CSMD3: variants seen among roughly 807,000 people sequenced by gnomAD.
CSMD3 encodes the protein CUB and Sushi multiple domains 3, also known as CUB and sushi domain-containing protein 3.
CSMD3 carries 177 observed loss-of-function variants against 435.2 expected under a neutral mutation model. That is an observed-to-expected ratio of 0.41 (90% confidence interval 0.36 to 0.46). The LOEUF (loss-of-function observed/expected upper bound fraction) is 0.46. Among genes scored for constraint, CSMD3 ranks in the 20% least tolerant of loss-of-function variants. The pLI is 0.34. For missense variants in CSMD3, 4,265 were observed against 4,504.6 expected (o/e 0.95, Z 1.52); for synonymous variants, 1,656 against 1,520.5 (o/e 1.09, Z -2.07).
chr8:112,954,143 C>A (rs1243805405), intron 8 of CSMD3, among the ~76,000 whole-genome samples: 1 of 151,310 alleles, frequency 6.6e-6, no homozygotes, highest in Non-Finnish European at 1.5e-5. Context: ...GTACTTCAGG[C>A]CATTTTTAAA....
intron 25 of CSMD3, among the ~76,000 whole-genome samples, chr8:112,555,736 T>C (rs1016990380): frequency 2.6e-5 from 4 of 151,986 alleles, no homozygotes; most frequent in African/African-American, 9.7e-5. Flanking sequence ...ATATTTTCTA[T>C]TTGTATTCTA....
chr8:113,336,413 C>CT (rs1213530887), intron 1 of CSMD3, among the ~76,000 whole-genome samples: 29 of 151,866 alleles, frequency 1.9e-4, no homozygotes, highest in Non-Finnish European at 3.4e-4. Flanking sequence ...TTTAAAATCT[C>CT]TGTCATCTAG....
At chr8:112,313,525 A>G (rs954585698) in intron 49 of CSMD3, among the ~76,000 whole-genome samples, 3 of 152,156 alleles carry the variant, frequency 2.0e-5, no homozygotes, top group Non-Finnish European at 4.4e-5. Context: ...AAAGAAAACA[A>G]ATCTATTTTT....
At chr8:112,493,690 C>T (rs1361582466) in intron 30 of CSMD3, among the ~76,000 whole-genome samples, 1 of 152,056 alleles carries the variant, frequency 6.6e-6, no homozygotes, top group Non-Finnish European at 1.5e-5. Context: ...AGATATTGAA[C>T]AAAGAGACTG....
chr8:113,379,501 T>C (rs2094405689), intron 1 of CSMD3, among the ~76,000 whole-genome samples: 2 of 152,142 alleles, frequency 1.3e-5, no homozygotes, highest in South Asian at 2.1e-4. Context: ...GACTAAGTGA[T>C]AGGTTGGATG....
chr8:112,910,802 A>G (rs2082390004), intron 10 of CSMD3, among the ~76,000 whole-genome samples: 1 of 151,778 alleles, frequency 6.6e-6, no homozygotes, highest in Admixed American at 6.6e-5. Flanking sequence ...TCACCTCATT[A>G]TTTCTCAATT....
At chr8:112,739,069 T>A (rs899851640) in intron 13 of CSMD3, among the ~76,000 whole-genome samples, 1 of 151,702 alleles carries the variant, frequency 6.6e-6, no homozygotes, top group Non-Finnish European at 1.5e-5. Context: ...ATTAGCTAGA[T>A]ATATCCAAGT....
rs1034085716 is a variant in CSMD3, at chr8:112,302,589, A to G, written c.8267-623T>C. On this transcript the variant is annotated intron_variant, in intron 52 of 70. Coordinates refer to ENST00000297405, the MANE Select transcript of CSMD3 (RefSeq NM_198123.2). ...GACTTCTTCATATTTGAAGACCACAAATGAACTGTCATTCTAGCATAAAAA... is the reference window on the plus strand; with the variant it reads ...GACTTCTTCATATTTGAAGACCACAGATGAACTGTCATTCTAGCATAAAAA... Among the ~76,000 whole-genome samples, 5 of 152,202 alleles carry G rather than the reference A, an allele frequency of 3.3e-5. No individual in the cohort carries two copies. In the East Asian group the frequency reaches 9.7e-4, roughly 29 times the overall value.
At chr8:112,315,418 A>T (rs1234292322) in intron 47 of CSMD3, among the ~76,000 whole-genome samples, 1 of 151,918 alleles carries the variant, frequency 6.6e-6, no homozygotes. Flanking sequence ...TGGATTTAGA[A>T]TGAAGAATAT....
intron 22 of CSMD3, among the ~76,000 whole-genome samples, chr8:112,610,842 G>A (rs775964451): frequency 1.3e-5 from 2 of 152,070 alleles, no homozygotes; most frequent in Non-Finnish European, 2.9e-5. Flanking sequence ...AGTATACTGA[G>A]CCTGCAATGA....
intron 3 of CSMD3, among the ~76,000 whole-genome samples, chr8:113,205,804 A>G (rs1214741570): frequency 2.0e-5 from 3 of 152,226 alleles, no homozygotes; most frequent in African/African-American, 7.2e-5. Context: ...ATACTAAAAC[A>G]TAAAACATAA....
At chr8:113,072,449 T>C (rs1451247081) in intron 5 of CSMD3, among the ~76,000 whole-genome samples, 1 of 151,752 alleles carries the variant, frequency 6.6e-6, no homozygotes, top group Non-Finnish European at 1.5e-5. Context: ...ATATATGGTC[T>C]TTATTTTGCT....
intron 16 of CSMD3, among the ~76,000 whole-genome samples, chr8:112,671,506 C>T (rs1310821659): frequency 6.6e-6 from 1 of 152,110 alleles, no homozygotes; most frequent in Non-Finnish European, 1.5e-5. Context: ...GCTTAAAAAC[C>T]TTCTCCCTCT....
At chr8:113,257,126 G>A (rs921978251) in intron 3 of CSMD3, among the ~76,000 whole-genome samples, 23 of 151,964 alleles carry the variant, frequency 1.5e-4, no homozygotes, top group Non-Finnish European at 2.9e-4. Context: ...AAAACAAAAC[G>A]GGCCGGGCGC....
chr8:113,213,730 T>G (rs1006309785), intron 3 of CSMD3, among the ~76,000 whole-genome samples: 1 of 152,022 alleles, frequency 6.6e-6, no homozygotes, highest in Non-Finnish European at 1.5e-5. Context: ...AAAAAACACA[T>G]TCAAAAGGAA....
At chr8:113,058,369 A>C (rs2088444501) in intron 5 of CSMD3, among the ~76,000 whole-genome samples, 1 of 151,980 alleles carries the variant, frequency 6.6e-6, no homozygotes, top group African/African-American at 2.4e-5. Context: ...ACTTTAGATA[A>C]AGTTTGAATA....
At chr8:113,142,225 A>T (rs1324160893) in intron 4 of CSMD3, among the ~76,000 whole-genome samples, 2 of 151,266 alleles carry the variant, frequency 1.3e-5, no homozygotes, top group African/African-American at 4.8e-5. Context: ...TGTGATATCT[A>T]TAGAAAATAT....
At chr8:112,843,439 A>C (rs2132541116) in intron 11 of CSMD3, among the ~76,000 whole-genome samples, 1 of 151,862 alleles carries the variant, frequency 6.6e-6, no homozygotes, top group South Asian at 2.1e-4. Flanking sequence ...AAAGATGTCC[A>C]CTCCCTAATC....
intron 4 of CSMD3, among the ~76,000 whole-genome samples, chr8:113,164,370 T>C (rs1462451201): frequency 1.3e-5 from 2 of 150,576 alleles, no homozygotes; most frequent in African/African-American, 2.4e-5. Flanking sequence ...CTTCAACAAA[T>C]GTCGGGAGCA....
Sources: allele counts gnomAD v4.1 joint callset (sites outside exome capture counted in the v4.1 genomes callset), GRCh38; gene constraint gnomAD v4.1.1; transcripts MANE v1.5; gene names NCBI Gene and HGNC (gene_info 2026-07-23, HGNC 2026-07-21).